The following PSMB9 variants were observed in gnomAD, a reference collection of about 807,000 sequenced individuals.
The protein encoded by PSMB9 is proteasome subunit beta type-9.
In PSMB9, 16 loss-of-function variants were observed where a neutral mutation model predicts 26.9. That is an observed-to-expected ratio of 0.59 (90% CI 0.40 to 0.90). The LOEUF (loss-of-function observed/expected upper bound fraction) is 0.90. Ranked by LOEUF, PSMB9 falls within the 40% of genes least tolerant of loss-of-function variation. PSMB9 has a pLI of 0.00. For synonymous variants in PSMB9, 91 were observed against 112.0 expected, an observed-to-expected ratio of 0.81 and a Z score of 1.18; for missense variants, 253 against 292.2, an observed-to-expected ratio of 0.87 and a Z score of 0.98.
At position 32,859,645 on chromosome 6, in the gene PSMB9, C is replaced by A; in HGVS notation, c.*113C>A. 1 of 1,273,268 alleles carries A rather than the reference C, an allele frequency of 7.9e-7. No individual in the cohort carries two copies. 78.9% of individuals were successfully genotyped at this position (1,273,268 alleles called of 1,614,324 possible). A position where few individuals can be genotyped will look rare whatever the true frequency, so the allele number is the denominator to read the frequency against. ...AGATGGAGCTTAGGGGAGGTGGGTG[C>A]TTCCCTCCTAGATGTCAGCATACAC... On this transcript the variant is annotated 3_prime_UTR_variant, in exon 6 of 6. Coordinates refer to ENST00000374859, the MANE Select transcript of PSMB9 (RefSeq NM_002800.5).
At position 32,854,221 on chromosome 6, in the gene PSMB9, C is replaced by T. The variant is rs768647917; in HGVS notation, c.-9C>T. 8 of 1,545,948 alleles carry T rather than the reference C, an allele frequency of 5.2e-6. No homozygotes were observed. In the African/African-American group the frequency reaches 6.9e-5, roughly 13 times the overall value. On this transcript the variant is annotated 5_prime_UTR_variant, in exon 1 of 6. Transcript: ENST00000374859. The surrounding 1 kb of genome is among the most constrained non-coding windows in gnomAD (Gnocchi z 4.6). ...CCCCAGGCGGCGAGGAGAGCGGTGC[C>T]TTGCAGGGATGCTGCGGGCGGGAGC...
At chr6:32,859,379 T>C in intron 5 of PSMB9, 26 bp from the exon 6 acceptor site, 1 of 1,591,592 alleles carries the variant, frequency 6.3e-7, no homozygotes, top group Non-Finnish European at 8.6e-7. Flanking sequence ...TCTCTCTCCC[T>C]CTCTCCAACT....
Position 32,858,491 on chromosome 6 carries a change from G to T in PSMB9, c.518G>T (p.Arg173Leu). The change falls in exon 5 of 6, where the codon CGC becomes CTC. Residue 173 changes from arginine to leucine, a missense_variant. Coordinates refer to ENST00000374859, the MANE Select transcript of PSMB9 (RefSeq NM_002800.5). The surrounding 1 kb of genome is among the most constrained non-coding windows in gnomAD (Gnocchi z 5.2). Reference protein sequence around the residue: ...KPGMSPEECRRFTTDAIALAM... With the variant: ...KPGMSPEECRLFTTDAIALAM... Reference sequence around the variant, plus strand: ...GGCATGTCTCCCGAGGAGTGCAGGCGCTTCACCACAGACGGTAACCAGCCA... The same window carrying T: ...GGCATGTCTCCCGAGGAGTGCAGGCTCTTCACCACAGACGGTAACCAGCCA... 7 of 1,612,964 alleles carry T rather than the reference G, an allele frequency of 4.3e-6. No individual in the cohort carries two copies. Among genetic ancestry groups the T allele is most frequent in the Non-Finnish European group, 5.9e-6 (7 of 1,180,020 alleles).
chr6:32,858,868 C>A lies in PSMB9; in HGVS notation c.532+363C>A. 9.1e-6 allele frequency: 3 copies of A among 328,836 alleles called. No homozygotes were observed. Among genetic ancestry groups the A allele is most frequent in the Non-Finnish European group, 1.7e-5 (3 of 177,046 alleles). 20.4% of individuals were successfully genotyped at this position (328,836 alleles called of 1,614,324 possible). ...TAGGCAAGATGGTGAAACCCTGTCT[C>A]CACAAAAAACAATAAAAAAAAGTAA... On this transcript the variant is annotated intron_variant, in intron 5 of 5. Coordinates refer to ENST00000374859, the MANE Select transcript of PSMB9 (RefSeq NM_002800.5). This position sits in a 1 kb window ranked among gnomAD's most constrained non-coding sequence, Gnocchi z 5.2.
At chr6:32,857,144 G>A in intron 2 of PSMB9, 119 bp from the exon 3 acceptor site, 1 of 1,160,442 alleles carries the variant, frequency 8.6e-7, no homozygotes, top group Non-Finnish European at 1.1e-6. Flanking sequence ...AGTTTGCAGT[G>A]AGCCCAAGAT....
In PSMB9 at chr6:32,854,411, T is replaced by C. The variant is rs1389169903; in HGVS notation, c.60+122T>C. The C allele has an allele frequency of 1.2e-5, 11 of 909,326 alleles. No homozygotes were observed. Among genetic ancestry groups the C allele is most frequent in the African/African-American group, 1.8e-5 (1 of 56,240 alleles). The allele number at this position is 909,326 out of a possible 1,614,324, so 56.3% of individuals were successfully genotyped here. On this transcript the variant is annotated intron_variant, in intron 1 of 5. Coordinates refer to ENST00000374859, the MANE Select transcript of PSMB9 (RefSeq NM_002800.5). The surrounding 1 kb of genome is among the most constrained non-coding windows in gnomAD (Gnocchi z 4.6). ...AACGGGAGCGCAGGGAGGTCGCCTG[T>C]AGCAGCCAGCGCTTGCAACCCGCAA... is the stretch of plus-strand genomic sequence containing the variant.
At position 32,859,426 on chromosome 6, in the gene PSMB9, G is replaced by A. The variant is rs1771344438; in HGVS notation, c.554G>A (p.Arg185Gln). 1 of 1,612,432 alleles carries A rather than the reference G, an allele frequency of 6.2e-7. No homozygotes were observed. Among genetic ancestry groups the A allele is most frequent in the Non-Finnish European group, 8.5e-7 (1 of 1,179,400 alleles). ...GCAGCTATTGCTCTGGCCATGAGCC[G>A]GGATGGCTCAAGCGGGGGTGTCATC... ...TTDAIALAMS[R>Q]DGSSGGVIYL... The change falls in exon 6 of 6, where the codon CGG becomes CAG. Residue 185 changes from arginine to glutamine, a missense_variant. By Grantham distance (43) the Arg-to-Gln change is conservative (BLOSUM62 1). Transcript: ENST00000374859.
intron 1 of PSMB9, 107 bp from the exon 2 acceptor site, chr6:32,856,031 A>C: frequency 1.0e-6 from 1 of 974,270 alleles, no homozygotes. Context: ...GTTACTGTGT[A>C]ATCTTTGAGC....
At chr6:32,856,333 A>C in intron 2 of PSMB9, 128 bp downstream of exon 2, 1 of 898,462 alleles carries the variant, frequency 1.1e-6, no homozygotes, top group Non-Finnish European at 1.7e-6. Flanking sequence ...CTTCCCCAAA[A>C]GCCACTATGA....
Position 32,859,429 on chromosome 6 carries a change from A to G in PSMB9, c.557A>G (p.Asp186Gly). The G allele has an allele frequency of 6.2e-7, 1 of 1,612,736 alleles. No homozygotes were observed. Among genetic ancestry groups the G allele is most frequent in the East Asian group, 2.2e-5 (1 of 44,808 alleles). The change falls in exon 6 of 6, where the codon GAT becomes GGT. Residue 186 changes from aspartate (D) to glycine (G), a missense_variant. By Grantham distance (94) the Asp-to-Gly change is moderately conservative. Transcript: ENST00000374859. ...GCTATTGCTCTGGCCATGAGCCGGG[A>G]TGGCTCAAGCGGGGGTGTCATCTAC... Reference protein sequence around the residue: ...TDAIALAMSRDGSSGGVIYLV... With the variant: ...TDAIALAMSRGGSSGGVIYLV...
rs1367353551 is a variant in PSMB9, at chr6:32,854,352, TGGAAGCGCGCGC to T, written c.60+67_60+78del. 1 of 1,404,214 alleles carries T rather than the reference TGGAAGCGCGCGC, an allele frequency of 7.1e-7. No individual in the cohort carries two copies. Among genetic ancestry groups the T allele is most frequent in the African/African-American group, 1.5e-5 (1 of 66,044 alleles). The allele number at this position is 1,404,214 out of a possible 1,614,324, so 87.0% of individuals were successfully genotyped here. ...AGGAGATGCAGCGGCCAGGGGACCC[TGGAAGCGCGCGC>T]GGAGAAGTGAATGCAGAGACCAACG... On this transcript the variant is annotated intron_variant, in intron 1 of 5. Coordinates refer to ENST00000374859, the MANE Select transcript of PSMB9 (RefSeq NM_002800.5). The surrounding 1 kb of genome is among the most constrained non-coding windows in gnomAD (Gnocchi z 4.6).
Position 32,858,880 on chromosome 6 carries a change from A to T in PSMB9, c.532+375A>T, listed in dbSNP as rs1036721336. On this transcript the variant is annotated intron_variant, in intron 5 of 5. Coordinates refer to ENST00000374859, the MANE Select transcript of PSMB9 (RefSeq NM_002800.5). This position sits in a 1 kb window ranked among gnomAD's most constrained non-coding sequence, Gnocchi z 5.2. ...TGAAACCCTGTCTCCACAAAAAACAATAAAAAAAAGTAAAAAAAAAAATGA... is the reference window on the plus strand; with the variant it reads ...TGAAACCCTGTCTCCACAAAAAACATTAAAAAAAAGTAAAAAAAAAAATGA... 3.2e-6 allele frequency: 1 copy of T among 316,982 alleles called. No individual in the cohort carries two copies. Among genetic ancestry groups the T allele is most frequent in the Admixed American group, 5.0e-5 (1 of 19,932 alleles). 19.6% of individuals were successfully genotyped at this position (316,982 alleles called of 1,614,324 possible).
intron 1 of PSMB9, among the ~76,000 whole-genome samples, chr6:32,855,796 G>A (rs36202974): frequency 1.2e-4 from 19 of 152,270 alleles, no homozygotes; most frequent in East Asian, 5.8e-4. Flanking sequence ...TTCCGTTGGA[G>A]ATAATTTTCA....
In PSMB9 at chr6:32,854,327, A is replaced by G; in HGVS notation, c.60+38A>G. The G allele has an allele frequency of 1.4e-6, 2 of 1,439,616 alleles. No homozygotes were observed. The highest frequency in any genetic ancestry group is 1.8e-6 in the Non-Finnish European group (2 of 1,095,922). 89.2% of individuals were successfully genotyped at this position (1,439,616 alleles called of 1,614,324 possible). ...GGCTTGAGGGTTGGCAGAGGGGTGGAGGAGATGCAGCGGCCAGGGGACCCT... is the reference window on the plus strand; with the variant it reads ...GGCTTGAGGGTTGGCAGAGGGGTGGGGGAGATGCAGCGGCCAGGGGACCCT... On this transcript the variant is annotated intron_variant, in intron 1 of 5. Transcript: ENST00000374859. The surrounding 1 kb of genome is among the most constrained non-coding windows in gnomAD (Gnocchi z 4.6).
chr6:32,854,782 A>G lies in PSMB9; in HGVS notation c.60+493A>G, dbSNP rs1055600430. On this transcript the variant is annotated intron_variant, in intron 1 of 5. Transcript: ENST00000374859. This position sits in a 1 kb window ranked among gnomAD's most constrained non-coding sequence, Gnocchi z 4.6. ...GGCAACTCTTAGCCCAAGCACTGATAATGGGCGTTCTGTGTTAACTAGTGA... is the reference window on the plus strand; with the variant it reads ...GGCAACTCTTAGCCCAAGCACTGATGATGGGCGTTCTGTGTTAACTAGTGA... Among the ~76,000 whole-genome samples the G allele has an allele frequency of 6.6e-6, 1 of 152,194 alleles. No homozygotes were observed. The highest frequency in any genetic ancestry group is 2.4e-5 in the African/African-American group (1 of 41,450).
At chr6:32,859,192 G>A (rs532528911) in intron 5 of PSMB9, among the ~76,000 whole-genome samples, 7 of 152,284 alleles carry the variant, frequency 4.6e-5, no homozygotes, top group African/African-American at 1.4e-4. Context: ...TCATCATAGC[G>A]GGAGCATTTA....
Position 32,858,192 on chromosome 6 carries a change from G to T in PSMB9, c.390+58G>T. The T allele has an allele frequency of 1.2e-6, 2 of 1,607,294 alleles. No individual in the cohort carries two copies. The highest frequency in any genetic ancestry group is 2.2e-5 in the East Asian group (1 of 44,868). ...GCTTCCCCACTCTCCTGCAGAGGAA[G>T]ATGGAAGTCCTATGTCATTCTAGCA... On this transcript the variant is annotated intron_variant, in intron 4 of 5. Coordinates refer to ENST00000374859, the MANE Select transcript of PSMB9 (RefSeq NM_002800.5). The surrounding 1 kb of genome is among the most constrained non-coding windows in gnomAD (Gnocchi z 5.2).
In PSMB9 at chr6:32,858,581, G is replaced by A. The variant is rs777526451; in HGVS notation, c.532+76G>A. 6 of 1,593,748 alleles carry A rather than the reference G, an allele frequency of 3.8e-6. No individual in the cohort carries two copies. The highest frequency in any genetic ancestry group is 5.1e-6 in the Non-Finnish European group (6 of 1,166,752). ...GGAAGTAGATTATGAGGAACAGGAAGAGAAATACAGGGGTGGCCATTTAAG... is the reference window on the plus strand; with the variant it reads ...GGAAGTAGATTATGAGGAACAGGAAAAGAAATACAGGGGTGGCCATTTAAG... On this transcript the variant is annotated intron_variant, in intron 5 of 5. Transcript: ENST00000374859. This position sits in a 1 kb window ranked among gnomAD's most constrained non-coding sequence, Gnocchi z 5.2.
chr6:32,855,171 T>C (rs1429541667), intron 1 of PSMB9, among the ~76,000 whole-genome samples: 2 of 152,132 alleles, frequency 1.3e-5, no homozygotes, highest in Non-Finnish European at 2.9e-5. Flanking sequence ...CCACTTATAA[T>C]TTGGGAAATC....
Sources: gnomAD v4.1 joint callset for allele counts (sites outside exome capture counted in the v4.1 genomes callset) on GRCh38, gnomAD v4.1.1 for gene constraint, Gnocchi (gnomAD v3.1) non-coding constraint, MANE v1.5 for transcripts, NCBI Gene and HGNC (gene_info 2026-07-23, HGNC 2026-07-21) for gene names.